The following ACOXL variants were observed in gnomAD, a reference collection of about 807,000 sequenced individuals.
ACOXL encodes acyl-coenzyme A oxidase-like protein.
Under a neutral mutation model 71.9 loss-of-function variants are expected in ACOXL, and 70 were observed. That is an observed-to-expected ratio of 0.97 (90% CI 0.80 to 1.19). The LOEUF is 1.19. Ranked by LOEUF, ACOXL falls within the 50% of genes most tolerant of loss-of-function variation. ACOXL has a pLI of 0.00. For missense variants in ACOXL, 703 were observed against 736.3 expected (o/e 0.95, Z 0.52); for synonymous variants, 253 against 281.6 (o/e 0.90, Z 1.02).
chr2:110,922,915 G>A (rs868644766), intron 11 of ACOXL, among the ~76,000 whole-genome samples: 4 of 152,284 alleles, frequency 2.6e-5, no homozygotes, highest in African/African-American at 7.2e-5. Flanking sequence ...TTGCCCCCAA[G>A]GACCTTCTAA....
At chr2:111,063,284 G>A (rs933937918) in intron 16 of ACOXL, among the ~76,000 whole-genome samples, 1 of 152,052 alleles carries the variant, frequency 6.6e-6, no homozygotes, top group African/African-American at 2.4e-5. Flanking sequence ...TTTGAAGTTA[G>A]TATTCTCCTG....
At chr2:111,065,001 A>G (rs2066995849) in intron 16 of ACOXL, among the ~76,000 whole-genome samples, 2 of 152,226 alleles carry the variant, frequency 1.3e-5, no homozygotes, top group African/African-American at 4.8e-5. Context: ...GCTATAGACA[A>G]ACTTATACTG....
intron 11 of ACOXL, among the ~76,000 whole-genome samples, chr2:110,922,902 T>C (rs893644937): frequency 2.6e-5 from 4 of 152,236 alleles, no homozygotes; most frequent in African/African-American, 4.8e-5. Flanking sequence ...GCTGTCAGTC[T>C]AATTGCCCCC....
intron 12 of ACOXL, among the ~76,000 whole-genome samples, chr2:110,967,084 G>T (rs1428162000): frequency 6.6e-6 from 1 of 152,142 alleles, no homozygotes; most frequent in Non-Finnish European, 1.5e-5. Flanking sequence ...TCCAATGTTG[G>T]AATTATCTGA....
intron 16 of ACOXL, among the ~76,000 whole-genome samples, chr2:111,054,338 C>T (rs1250515439): frequency 1.3e-5 from 2 of 152,194 alleles, no homozygotes; most frequent in East Asian, 3.8e-4. Context: ...GGAGGGCTGG[C>T]TGAGGTGGGC....
intron 11 of ACOXL, among the ~76,000 whole-genome samples, chr2:110,931,264 G>T (rs2060469671): frequency 6.6e-6 from 1 of 152,190 alleles, no homozygotes; most frequent in Admixed American, 6.5e-5. Flanking sequence ...CCTGGCAGCT[G>T]GAAGTTTGGC....
intron 3 of ACOXL, among the ~76,000 whole-genome samples, chr2:110,790,017 G>T (rs1012561070): frequency 6.6e-6 from 1 of 152,244 alleles, no homozygotes; most frequent in Non-Finnish European, 1.5e-5. Context: ...CTTTTGGCAT[G>T]TTCCTTTGTA....
At chr2:110,829,360 T>C (rs185831769) in intron 9 of ACOXL, among the ~76,000 whole-genome samples, 45 of 152,292 alleles carry the variant, frequency 3.0e-4, no homozygotes, top group African/African-American at 1.0e-3. Context: ...GCCTTACTGA[T>C]AGCCGTGGGG....
At chr2:110,993,493 T>TA (rs2063265068) in intron 13 of ACOXL, among the ~76,000 whole-genome samples, 3 of 152,234 alleles carry the variant, frequency 2.0e-5, no homozygotes, top group Non-Finnish European at 2.9e-5. Context: ...TATTGTAGTA[T>TA]TTTACTTTAT....
intron 14 of ACOXL, among the ~76,000 whole-genome samples, chr2:111,001,373 G>A (rs1051675516): frequency 7.0e-6 from 1 of 142,236 alleles, no homozygotes; most frequent in African/African-American, 2.6e-5. Context: ...TCTGCAATCA[G>A]GGAACAAGTG....
At chr2:111,034,602 T>C (rs891043954) in intron 15 of ACOXL, among the ~76,000 whole-genome samples, 2 of 152,202 alleles carry the variant, frequency 1.3e-5, no homozygotes, top group Admixed American at 1.3e-4. Flanking sequence ...AGAAAAATCA[T>C]AAGAATTAGT....
At chr2:111,107,484 T>G (rs2069627598) in intron 17 of ACOXL, among the ~76,000 whole-genome samples, 1 of 152,134 alleles carries the variant, frequency 6.6e-6, no homozygotes, top group Non-Finnish European at 1.5e-5. Context: ...GTTTTTTTGG[T>G]TTTTGTTGTT....
intron 14 of ACOXL, among the ~76,000 whole-genome samples, chr2:111,028,103 T>C (rs1249977047): frequency 6.6e-6 from 1 of 151,860 alleles, no homozygotes; most frequent in Non-Finnish European, 1.5e-5. Context: ...TTGGGAGGAT[T>C]GCAAGAACCC....
At chr2:110,927,486 G>A (rs547042210) in intron 11 of ACOXL, among the ~76,000 whole-genome samples, 61 of 152,098 alleles carry the variant, frequency 4.0e-4, no homozygotes, top group Non-Finnish European at 7.1e-4. Context: ...TCTTATAGAC[G>A]TCTTTCCCCT....
chr2:110,985,880 A>G (rs1230028488), intron 12 of ACOXL, among the ~76,000 whole-genome samples: 2 of 152,174 alleles, frequency 1.3e-5, no homozygotes, highest in Admixed American at 6.5e-5. Context: ...CTGCCCACCA[A>G]TGCCAATAAA....
intron 10 of ACOXL, among the ~76,000 whole-genome samples, chr2:110,848,368 AC>A (rs1441531176): frequency 1.3e-5 from 2 of 152,192 alleles, no homozygotes; most frequent in African/African-American, 4.8e-5. Flanking sequence ...AAATTATTCA[AC>A]CCCAATGGTA....
intron 6 of ACOXL, 28 bp downstream of exon 6, chr2:110,798,752 T>C: frequency 6.3e-7 from 1 of 1,589,374 alleles, no homozygotes; most frequent in East Asian, 2.2e-5. Flanking sequence ...ACAACTAGAA[T>C]AATTCTCTTC....
In ACOXL at chr2:110,798,543, C is replaced by T. The variant is rs965342990; in HGVS notation, c.346-67C>T. On this transcript the variant is annotated intron_variant, in intron 5 of 17. Coordinates refer to ENST00000439055, the MANE Select transcript of ACOXL (RefSeq NM_001142807.4). ...AGTGCTGGGATTACAGTATTCATTG[C>T]TTTGAGCCAGGGAGTTGAAATGAGC... 8.6e-5 allele frequency: 115 copies of T among 1,344,098 alleles called. 1 individual carries two copies. The Admixed American group carries it at 1.9e-3, about 22-fold the overall frequency. 83.3% of individuals were successfully genotyped at this position (1,344,098 alleles called of 1,614,324 possible). A position where few individuals can be genotyped will look rare whatever the true frequency, so the allele number is the denominator to read the frequency against.
At chr2:110,823,700 A>G (rs1480515175) in intron 9 of ACOXL, among the ~76,000 whole-genome samples, 2 of 152,172 alleles carry the variant, frequency 1.3e-5, no homozygotes, top group Non-Finnish European at 2.9e-5. Flanking sequence ...CCTAATTTGC[A>G]TTTCCCTGAT....
Sources: gnomAD v4.1 joint callset for allele counts (sites outside exome capture counted in the v4.1 genomes callset) on GRCh38, gnomAD v4.1.1 for gene constraint, MANE v1.5 for transcripts, NCBI Gene and HGNC (gene_info 2026-07-23, HGNC 2026-07-21) for gene names.